LOXL3: variants seen among roughly 807,000 people sequenced by gnomAD.
LOXL3 encodes the protein lysyl oxidase homolog 3.
LOXL3 carries 60 observed loss-of-function variants against 91.8 expected under a neutral mutation model. The ratio of observed to expected loss-of-function variants is 0.65; its 90% CI spans 0.53 to 0.81. The LOEUF is 0.81. Among genes scored for constraint, LOXL3 ranks in the 30% least tolerant of loss-of-function variants. The pLI is 0.00. For synonymous variants in LOXL3, 355 were observed against 387.6 expected, an observed-to-expected ratio of 0.92 and a Z score of 0.99; for missense variants, 874 against 1,000.4, an observed-to-expected ratio of 0.87 and a Z score of 1.70.
upstream of LOXL3, chr2:74,555,005 G>A: frequency 7.3e-7 from 1 of 1,360,928 alleles, no homozygotes; most frequent in South Asian, 1.3e-5. The surrounding 1 kb of genome is among the most constrained non-coding windows in gnomAD (Gnocchi z 6.1). Context: ...TGGGGAGACG[G>A]AGTGGCATCG....
At chr2:74,540,477 G>T (rs1471433504) in intron 4 of LOXL3, among the ~76,000 whole-genome samples, 1 of 152,050 alleles carries the variant, frequency 6.6e-6, no homozygotes, top group East Asian at 1.9e-4. Flanking sequence ...GCCTGAGGCC[G>T]CTGGACCAGG....
At position 74,549,717 on chromosome 2, in the gene LOXL3, G is replaced by A; in HGVS notation, c.478-134C>T. On this transcript the variant is annotated intron_variant, in intron 3 of 13. Coordinates refer to ENST00000264094, the MANE Select transcript of LOXL3 (RefSeq NM_032603.5). The surrounding 1 kb of genome is among the most constrained non-coding windows in gnomAD (Gnocchi z 5.3). The stretch of plus-strand genomic sequence containing the variant: ...ATGGGCCCGAGGCGGCGCTGAGAGA[G>A]CGGCCACGATGGCCGCAGTCCGCGG... The A allele has an allele frequency of 6.9e-7, 1 of 1,445,448 alleles. No individual in the cohort carries two copies. Among genetic ancestry groups the A allele is most frequent in the Non-Finnish European group, 9.1e-7 (1 of 1,096,908 alleles). The allele number at this position is 1,445,448 out of a possible 1,614,324, so 89.5% of individuals were successfully genotyped here.
Position 74,536,494 on chromosome 2 carries a change from A to G in LOXL3, c.913-23T>C, listed in dbSNP as rs768371647. Reference sequence around the variant, plus strand: ...GGCCTATAGAAGAGAGAAGTGCCCAACAGAGGCAAATGGCAACATCTGCAC... The same window carrying G: ...GGCCTATAGAAGAGAGAAGTGCCCAGCAGAGGCAAATGGCAACATCTGCAC... On this transcript the variant is annotated intron_variant, in intron 5 of 13. Coordinates refer to ENST00000264094, the MANE Select transcript of LOXL3 (RefSeq NM_032603.5). The surrounding 1 kb of genome is among the most constrained non-coding windows in gnomAD (Gnocchi z 4.5). 1.2e-6 allele frequency: 2 copies of G among 1,602,654 alleles called. No homozygotes were observed. Among genetic ancestry groups the G allele is most frequent in the South Asian group, 1.1e-5 (1 of 90,292 alleles).
At position 74,552,595 on chromosome 2, in the gene LOXL3, G is replaced by A. The variant is rs374069539; in HGVS notation, c.40C>T (p.Leu14=). ...GAACTGCACAGCAGGCACAGCAGCA[G>A]CCCCCAGGGGCTCCACTGCCAGACA... The part of the protein sequence containing the change: ...VSVWQWSPWG[L]LLCLLCSSCL... The change falls in exon 2 of 14, where the codon CTG becomes TTG. Residue 14 remains leucine (L), a synonymous_variant. Coordinates refer to ENST00000264094, the MANE Select transcript of LOXL3 (RefSeq NM_032603.5). 46 of 1,589,528 alleles carry A rather than the reference G, an allele frequency of 2.9e-5. No homozygotes were observed. Among genetic ancestry groups the A allele is most frequent in the Non-Finnish European group, 3.9e-5 (45 of 1,163,750 alleles).
In LOXL3 at chr2:74,546,877, C is replaced by T. The variant is rs190444072; in HGVS notation, c.692+2492G>A. Among the ~76,000 whole-genome samples, 261 of 152,200 alleles carry T rather than the reference C, an allele frequency of 1.7e-3. 1 individual carries two copies. Among genetic ancestry groups the T allele is most frequent in the Non-Finnish European group, 2.6e-3 (180 of 68,000 alleles). On this transcript the variant is annotated intron_variant, in intron 4 of 13. Transcript: ENST00000264094. ...GATTACAGTCATGCGCCACCACACC[C>T]GGCTAGTTTTGTATTTTTAGTAGAG...
intron 1 of LOXL3, chr2:74,552,848 A>C (rs1015923785): frequency 1.6e-5 from 9 of 553,336 alleles, no homozygotes; most frequent in Admixed American, 3.4e-5. Context: ...CAGGTCATAG[A>C]GGCACAGCCT....
intron 4 of LOXL3, among the ~76,000 whole-genome samples, chr2:74,541,948 A>T (rs1347713973): frequency 6.6e-6 from 1 of 152,064 alleles, no homozygotes; most frequent in Non-Finnish European, 1.5e-5. Flanking sequence ...TCATTCACAG[A>T]TGTGTTTGTT....
intron 1 of LOXL3, chr2:74,552,851 C>G (rs1677108578): frequency 5.5e-6 from 3 of 545,856 alleles, no homozygotes; most frequent in Admixed American, 3.5e-5. Context: ...GTCATAGAGG[C>G]ACAGCCTGAG....
At position 74,533,693 on chromosome 2, in the gene LOXL3, A is replaced by G; in HGVS notation, c.2189-14T>C. 1.9e-6 allele frequency: 3 copies of G among 1,613,748 alleles called. No homozygotes were observed. The highest frequency in any genetic ancestry group is 1.7e-6 in the Non-Finnish European group (2 of 1,179,712). On this transcript the variant is annotated splice_polypyrimidine_tract_variant and intron_variant, in intron 13 of 13. Coordinates refer to ENST00000264094, the MANE Select transcript of LOXL3 (RefSeq NM_032603.5). ...TGAAGGCATCACCTGCAGAGTGGACAGGCAATTTGGGAGGCGCCCTGCACA... is the reference window on the plus strand; with the variant it reads ...TGAAGGCATCACCTGCAGAGTGGACGGGCAATTTGGGAGGCGCCCTGCACA...
Position 74,533,978 on chromosome 2 carries a change from T to C in LOXL3, c.2092A>G (p.Asn698Asp), listed in dbSNP as rs759403031. ...NYILQVVINP[N>D]FEVAESDFTN... is the part of the protein sequence containing the mutation. The stretch of plus-strand genomic sequence containing the variant: ...AAGTCACTCTCTGCTACTTCAAAGT[T>C]TGGGTTGATGACAACCTGTGAGTGA... The change falls in exon 13 of 14, where the codon AAC becomes GAC. Residue 698 changes from asparagine to aspartate, a missense_variant. Coordinates refer to ENST00000264094, the MANE Select transcript of LOXL3 (RefSeq NM_032603.5). The C allele has an allele frequency of 6.2e-7, 1 of 1,614,072 alleles. No homozygotes were observed. Among genetic ancestry groups the C allele is most frequent in the Non-Finnish European group, 8.5e-7 (1 of 1,179,968 alleles).
chr2:74,553,559 T>C (rs778932618), intron 1 of LOXL3, among the ~76,000 whole-genome samples: 5 of 152,118 alleles, frequency 3.3e-5, no homozygotes, highest in Non-Finnish European at 7.4e-5. Context: ...CAAGCCCCCG[T>C]CAACATGCTT....
intron 4 of LOXL3, among the ~76,000 whole-genome samples, chr2:74,546,332 C>T (rs1006489952): frequency 6.6e-6 from 1 of 152,204 alleles, no homozygotes; most frequent in South Asian, 2.1e-4. Flanking sequence ...CGATGTCACA[C>T]CTCTGCTCCA....
At chr2:74,552,254 G>C in intron 2 of LOXL3, 68 bp downstream of exon 2, 1 of 1,444,518 alleles carries the variant, frequency 6.9e-7, no homozygotes. Flanking sequence ...TGCCATCCTC[G>C]TGTTCCCTTT....
chr2:74,534,828 G>C, intron 9 of LOXL3, 54 bp from the exon 10 acceptor site: 1 of 1,583,422 alleles, frequency 6.3e-7, no homozygotes. Flanking sequence ...TCACAGAGAG[G>C]GGTGCTTCCA....
At chr2:74,542,347 A>T (rs1676370952) in intron 4 of LOXL3, among the ~76,000 whole-genome samples, 1 of 152,044 alleles carries the variant, frequency 6.6e-6, no homozygotes, top group Non-Finnish European at 1.5e-5. Flanking sequence ...CCCAAAACAA[A>T]AACCTGTCTA....
At chr2:74,555,548 C>G (rs376579870), upstream of LOXL3, 1 of 1,613,032 alleles carries the variant, frequency 6.2e-7, no homozygotes, top group Admixed American at 1.7e-5. The surrounding 1 kb of genome is among the most constrained non-coding windows in gnomAD (Gnocchi z 6.1). Flanking sequence ...GAGGAAATTA[C>G]GGGTTTCTCG....
At chr2:74,554,631 A>G, upstream of LOXL3, 1 of 867,758 alleles carries the variant, frequency 1.2e-6, no homozygotes, top group South Asian at 1.7e-5. The surrounding 1 kb of genome is among the most constrained non-coding windows in gnomAD (Gnocchi z 4.9). Flanking sequence ...CCCCACCGCG[A>G]CCCCCCCAGC....
chr2:74,555,549 G>C (rs774479122), upstream of LOXL3: 1 of 1,613,104 alleles, frequency 6.2e-7, no homozygotes, highest in Admixed American at 1.7e-5. The surrounding 1 kb of genome is among the most constrained non-coding windows in gnomAD (Gnocchi z 6.1). Flanking sequence ...AGGAAATTAC[G>C]GGTTTCTCGA....
upstream of LOXL3, chr2:74,555,037 A>G: frequency 7.0e-7 from 1 of 1,430,978 alleles, no homozygotes; most frequent in Non-Finnish European, 9.4e-7. The surrounding 1 kb of genome is among the most constrained non-coding windows in gnomAD (Gnocchi z 6.1). Context: ...CTTCGCCCCC[A>G]ACCCCGTTTG....
Sources: allele counts gnomAD v4.1 joint callset (sites outside exome capture counted in the v4.1 genomes callset), GRCh38; gene constraint gnomAD v4.1.1; non-coding constraint Gnocchi (gnomAD v3.1); transcripts MANE v1.5; gene names NCBI Gene and HGNC (gene_info 2026-07-23, HGNC 2026-07-21).